The following ITGA9 variants were observed in gnomAD, a reference collection of about 807,000 sequenced individuals.
The protein encoded by ITGA9 is integrin alpha-9.
In ITGA9, 56 loss-of-function variants were observed where a neutral mutation model predicts 127.8. The observed-to-expected ratio is 0.44, with a 90% CI of 0.35 to 0.55. The LOEUF (loss-of-function observed/expected upper bound fraction) is 0.55. Ranked by LOEUF, ITGA9 falls within the 20% of genes least tolerant of loss-of-function variation. ITGA9 has a pLI of 0.00. For missense variants in ITGA9, 1,196 were observed against 1,347.1 expected, an observed-to-expected ratio of 0.89 and a Z score of 1.76; for synonymous variants, 508 against 514.5, an observed-to-expected ratio of 0.99 and a Z score of 0.17.
At chr3:37,662,697 C>T (rs568008984) in intron 17 of ITGA9, among the ~76,000 whole-genome samples, 2 of 152,302 alleles carry the variant, frequency 1.3e-5, no homozygotes, top group African/African-American at 4.8e-5. Context: ...TTCACAAGGG[C>T]AACTTGGACA....
At chr3:37,507,837 T>G (rs1176227764) in intron 7 of ITGA9, among the ~76,000 whole-genome samples, 1 of 152,164 alleles carries the variant, frequency 6.6e-6, no homozygotes, top group African/African-American at 2.4e-5. Flanking sequence ...ATGGGAAGGT[T>G]ATTTACACTG....
intron 4 of ITGA9, among the ~76,000 whole-genome samples, chr3:37,483,694 C>G (rs1333099632): frequency 2.0e-5 from 3 of 152,174 alleles, no homozygotes; most frequent in Non-Finnish European, 4.4e-5. Context: ...GCTGGGAAAG[C>G]CTCCAGGACA....
intron 15 of ITGA9, among the ~76,000 whole-genome samples, chr3:37,626,326 A>G (rs1419661301): frequency 6.6e-6 from 1 of 152,174 alleles, no homozygotes; most frequent in African/African-American, 2.4e-5. Context: ...ATGGAGGGAC[A>G]TTTATTTGAG....
chr3:37,498,381 G>T (rs1269902788), intron 5 of ITGA9, among the ~76,000 whole-genome samples: 2 of 152,164 alleles, frequency 1.3e-5, no homozygotes, highest in Non-Finnish European at 2.9e-5. Context: ...TGTTGACAGA[G>T]AGCCGAGGAG....
intron 15 of ITGA9, among the ~76,000 whole-genome samples, chr3:37,582,176 G>C (rs1179668199): frequency 6.6e-6 from 1 of 152,220 alleles, no homozygotes; most frequent in Non-Finnish European, 1.5e-5. Context: ...TCATACTCAT[G>C]AAATTATTGT....
chr3:37,494,364 C>G lies in ITGA9; in HGVS notation c.545-137C>G, dbSNP rs541389560. ...ATTCCTGAGACTTTCCTTCCTCACC[C>G]CAGTCTGGATGGCATCCCTGGGCCC... is the stretch of plus-strand genomic sequence containing the variant. On this transcript the variant is annotated intron_variant, in intron 4 of 27. Transcript: ENST00000264741. The G allele has an allele frequency of 9.8e-6, 7 of 714,248 alleles. No homozygotes were observed. The Admixed American group carries it at 1.4e-4, about 14-fold the overall frequency. The allele number at this position is 714,248 out of a possible 1,614,324, so 44.2% of individuals were successfully genotyped here.
At chr3:37,504,597 G>C (rs937101730) in intron 6 of ITGA9, among the ~76,000 whole-genome samples, 2 of 152,172 alleles carry the variant, frequency 1.3e-5, no homozygotes, top group African/African-American at 4.8e-5. Context: ...TTGAATCAGG[G>C]AATGAAGAGA....
At chr3:37,683,052 G>A (rs1192266738) in intron 17 of ITGA9, among the ~76,000 whole-genome samples, 1 of 152,172 alleles carries the variant, frequency 6.6e-6, no homozygotes, top group East Asian at 1.9e-4. Flanking sequence ...AGGGGCTTCC[G>A]AGGGTCAAAC....
At chr3:37,634,401 G>A (rs1190144310) in intron 16 of ITGA9, among the ~76,000 whole-genome samples, 1 of 151,236 alleles carries the variant, frequency 6.6e-6, no homozygotes, top group Non-Finnish European at 1.5e-5. Flanking sequence ...TAAAATGAAA[G>A]CAAAGGGATG....
chr3:37,527,896 CTGCCTCAGCCTCCTGAG>C (rs1699109807), intron 13 of ITGA9, among the ~76,000 whole-genome samples: 1 of 152,066 alleles, frequency 6.6e-6, no homozygotes, highest in Non-Finnish European at 1.5e-5. Flanking sequence ...AGTGATTCTC[CTGCCTCAGCCTCCTGAG>C]CAGCTGGGAT....
At chr3:37,498,640 C>G (rs1275532334) in intron 5 of ITGA9, among the ~76,000 whole-genome samples, 1 of 152,120 alleles carries the variant, frequency 6.6e-6, no homozygotes, top group Non-Finnish European at 1.5e-5. Context: ...CATGGTACAG[C>G]AAAGTGGGGA....
chr3:37,502,167 C>T (rs933117674), intron 5 of ITGA9, among the ~76,000 whole-genome samples: 3 of 151,708 alleles, frequency 2.0e-5, no homozygotes, highest in African/African-American at 7.3e-5. Flanking sequence ...ACCATTTCCC[C>T]CTGATCTAAA....
At chr3:37,615,775 T>C (rs1296654227) in intron 15 of ITGA9, among the ~76,000 whole-genome samples, 1 of 152,206 alleles carries the variant, frequency 6.6e-6, no homozygotes, top group Non-Finnish European at 1.5e-5. Context: ...TAGTATTCTC[T>C]GATGGTAGTT....
chr3:37,505,653 G>A (rs975590541), intron 6 of ITGA9, among the ~76,000 whole-genome samples: 2 of 152,138 alleles, frequency 1.3e-5, no homozygotes, highest in South Asian at 2.1e-4. Context: ...GCATGGCTAC[G>A]CTCATGTGTG....
At chr3:37,533,263 T>C (rs1414922249) in intron 13 of ITGA9, 51 bp from the exon 14 acceptor site, 1 of 1,575,626 alleles carries the variant, frequency 6.3e-7, no homozygotes, top group African/African-American at 1.3e-5. Flanking sequence ...TGTTTGGTTC[T>C]GAGAGCTGCT....
intron 1 of ITGA9, among the ~76,000 whole-genome samples, chr3:37,466,913 C>G (rs1372747842): frequency 6.6e-6 from 1 of 152,096 alleles, no homozygotes; most frequent in South Asian, 2.1e-4. Flanking sequence ...AGAGTTGGGG[C>G]GATGTTTGAA....
intron 19 of ITGA9, 39 bp downstream of exon 19, chr3:37,732,837 C>T (rs1386100462): frequency 6.7e-7 from 1 of 1,482,314 alleles, no homozygotes; most frequent in South Asian, 1.2e-5. Context: ...AGCAGCAGGC[C>T]CCCAGCCCTT....
rs1697206706 is a variant in ITGA9, at chr3:37,799,080, G to T, written c.2890-4743G>T. 6.6e-6 allele frequency among the ~76,000 whole-genome samples: 1 copy of T among 152,180 alleles called. No homozygotes were observed. The highest frequency in any genetic ancestry group is 6.5e-5 in the Admixed American group (1 of 15,274). ...ATAATTCTGCAGTGAACATCTTTGA[G>T]CATAAAACTTTTTCCGTATTTTATA... On this transcript the variant is annotated intron_variant, in intron 26 of 27. Transcript: ENST00000264741. The surrounding 1 kb of genome is among the most constrained non-coding windows in gnomAD (Gnocchi z 4.0).
chr3:37,454,286 A>C (rs1319945887), intron 1 of ITGA9, among the ~76,000 whole-genome samples: 4 of 152,244 alleles, frequency 2.6e-5, no homozygotes, highest in Non-Finnish European at 5.9e-5. Context: ...GGTCAAAGCC[A>C]CACTGCCTGG....
Sources: allele counts gnomAD v4.1 joint callset (sites outside exome capture counted in the v4.1 genomes callset), GRCh38; gene constraint gnomAD v4.1.1; non-coding constraint Gnocchi (gnomAD v3.1); transcripts MANE v1.5; gene names NCBI Gene and HGNC (gene_info 2026-07-23, HGNC 2026-07-21).